Variants in CYP3A4 observed in about 807,000 individuals in gnomAD.
The protein encoded by CYP3A4 is cytochrome P450 3A4.
CYP3A4 carries 41 observed loss-of-function variants against 54.9 expected under a neutral mutation model. The observed-to-expected ratio is 0.75, with a 90% CI of 0.58 to 0.97. The LOEUF (loss-of-function observed/expected upper bound fraction) is 0.97. Ranked by LOEUF, CYP3A4 falls within the 50% of genes least tolerant of loss-of-function variation. The pLI is 0.00. For missense variants in CYP3A4, 510 were observed against 597.3 expected, an observed-to-expected ratio of 0.85 and a Z score of 1.52; for synonymous variants, 179 against 205.2, an observed-to-expected ratio of 0.87 and a Z score of 1.09.
chr7:99,770,125 C>T lies in CYP3A4; in HGVS notation c.429G>A (p.Lys143=), dbSNP rs563261216. The part of the protein sequence containing the change: ...LSPTFTSGKL[K]EMVPIIAQYG... ...AAAACTCATGTTATTTTCATACCTCCTTGAGTTTTCCACTGGTGAAGGTTG... is the reference window on the plus strand; with the variant it reads ...AAAACTCATGTTATTTTCATACCTCTTTGAGTTTTCCACTGGTGAAGGTTG... Residue 143 remains lysine (K), a synonymous_variant, in exon 5 of 13, where the codon AAG becomes AAA. Coordinates refer to ENST00000651514, the MANE Select transcript of CYP3A4 (RefSeq NM_017460.6). The T allele has an allele frequency of 1.2e-6, 2 of 1,610,354 alleles. No individual in the cohort carries two copies. Among genetic ancestry groups the T allele is most frequent in the African/African-American group, 2.7e-5 (2 of 74,928 alleles).
intron 3 of CYP3A4, among the ~76,000 whole-genome samples, chr7:99,773,964 G>A (rs1815696004): frequency 6.6e-6 from 1 of 151,354 alleles, no homozygotes; most frequent in Middle Eastern, 3.4e-3. Flanking sequence ...GACTAATAAA[G>A]AAAAAAGAAG....
intron 1 of CYP3A4, 47 bp downstream of exon 1, chr7:99,783,964 C>A: frequency 2.5e-6 from 4 of 1,587,220 alleles, no homozygotes; most frequent in Non-Finnish European, 3.5e-6. Flanking sequence ...CTGATTAGCA[C>A]CCCAAGTCCA....
intron 12 of CYP3A4, among the ~76,000 whole-genome samples, chr7:99,760,089 C>T (rs1815279848): frequency 1.3e-5 from 2 of 152,106 alleles, no homozygotes; most frequent in Admixed American, 1.3e-4. Context: ...CCTGCTTCGG[C>T]CTCCCAAAGT....
At chr7:99,775,378 A>G (rs1235077470) in intron 3 of CYP3A4, among the ~76,000 whole-genome samples, 3 of 152,228 alleles carry the variant, frequency 2.0e-5, no homozygotes, top group African/African-American at 4.8e-5. Flanking sequence ...GAGCCCACAT[A>G]GACAAGACAA....
Position 99,760,896 on chromosome 7 carries a change from A to C in CYP3A4, c.1339T>G (p.Phe447Val). 1 of 1,614,112 alleles carries C rather than the reference A, an allele frequency of 6.2e-7. No individual in the cohort carries two copies. Among genetic ancestry groups the C allele is most frequent in the Non-Finnish European group, 8.5e-7 (1 of 1,179,970 alleles). Residue 447 changes from phenylalanine (F) to valine (V), a missense_variant, in exon 12 of 13, where the codon TTT (phenylalanine) becomes GTT (valine). Phe to Val is a conservative substitution (Grantham distance 50). This residue lies in a region of CYP3A4 where 238 missense variants were observed against 322.5 expected (regional missense o/e 0.74). Coordinates refer to ENST00000651514, the MANE Select transcript of CYP3A4 (RefSeq NM_017460.6). ...GCAAGTTTCATGTTCATGAGAGCAAACCTCATGCCAATGCAGTTTCTGGGT... is the reference window on the plus strand; with the variant it reads ...GCAAGTTTCATGTTCATGAGAGCAACCCTCATGCCAATGCAGTTTCTGGGT... ...SGPRNCIGMR[F>V]ALMNMKLALI...
chr7:99,764,934 G>A (rs746619543), intron 9 of CYP3A4, among the ~76,000 whole-genome samples: 2 of 152,136 alleles, frequency 1.3e-5, no homozygotes, highest in Non-Finnish European at 2.9e-5. Flanking sequence ...TGTTTGATCA[G>A]GACTGGATTA....
At chr7:99,770,695 A>G (rs1815609950) in intron 4 of CYP3A4, among the ~76,000 whole-genome samples, 1 of 152,182 alleles carries the variant, frequency 6.6e-6, no homozygotes, top group African/African-American at 2.4e-5. Context: ...AAGTGCCTCA[A>G]TGTGATGGTT....
chr7:99,775,069 T>C (rs1481351865), intron 3 of CYP3A4, among the ~76,000 whole-genome samples: 1 of 152,134 alleles, frequency 6.6e-6, no homozygotes, highest in Non-Finnish European at 1.5e-5. Flanking sequence ...AGCCAAATCA[T>C]GAGTGAACTC....
At chr7:99,773,866 T>TA (rs1431629677) in intron 3 of CYP3A4, among the ~76,000 whole-genome samples, 6 of 150,364 alleles carry the variant, frequency 4.0e-5, no homozygotes, top group African/African-American at 1.2e-4. Context: ...CAGAAGGAGA[T>TA]AGAGACACAA....
Position 99,767,263 on chromosome 7 carries a change from A to G in CYP3A4, c.671-5T>C, listed in dbSNP as rs1815499503. 1 of 1,566,234 alleles carries G rather than the reference A, an allele frequency of 6.4e-7. No homozygotes were observed. The highest frequency in any genetic ancestry group is 1.2e-5 in the South Asian group (1 of 82,988). The stretch of plus-strand genomic sequence containing the variant: ...GGATGAGGAATGGAAAGACTGCTGT[A>G]GGAAAAACAAAACAAAAACAGAAAA... On this transcript the variant is annotated splice_polypyrimidine_tract_variant and splice_region_variant and intron_variant, in intron 7 of 12. Coordinates refer to ENST00000651514, the MANE Select transcript of CYP3A4 (RefSeq NM_017460.6).
In CYP3A4 at chr7:99,763,943, A is replaced by C. The variant is rs762572678; in HGVS notation, c.938T>G (p.Val313Gly). The change falls in exon 10 of 13, where the codon GTT becomes GGT. Residue 313 changes from valine (V) to glycine (G), a missense_variant. This residue lies in a region of CYP3A4 where 238 missense variants were observed against 322.5 expected (regional missense o/e 0.74). Coordinates refer to ENST00000651514, the MANE Select transcript of CYP3A4 (RefSeq NM_017460.6). The part of the protein sequence containing the change: ...IFAGYETTSS[V>G]LSFIMYELAT... ...CAGTTCATACATAATGAAGGAGAGA[A>C]CACTGCTCGTGGTTTCATAGCCAGC... The C allele has an allele frequency of 1.1e-5, 17 of 1,614,042 alleles. No homozygotes were observed. The highest frequency in any genetic ancestry group is 1.4e-5 in the Non-Finnish European group (17 of 1,179,966).
At chr7:99,777,476 TTGTGTGTGTGTGTGTGTGTG>T (rs10554527) in intron 3 of CYP3A4, among the ~76,000 whole-genome samples, 4 of 146,608 alleles carry the variant, frequency 2.7e-5, no homozygotes, top group African/African-American at 5.1e-5. Context: ...ATGTCACTAG[TTGTGTGTGTGTGTGTGTGTG>T]TGTGTGTGTG....
chr7:99,771,845 T>C (rs1815642025), intron 4 of CYP3A4, among the ~76,000 whole-genome samples: 1 of 152,202 alleles, frequency 6.6e-6, no homozygotes, highest in African/African-American at 2.4e-5. Context: ...TATACCCATC[T>C]TTCCAAAAAT....
chr7:99,766,530 T>TGAGAA lies in CYP3A4; in HGVS notation c.799-92_799-88dup, dbSNP rs1359129614. 2.0e-6 allele frequency: 3 copies of TGAGAA among 1,529,776 alleles called. No individual in the cohort carries two copies. In the East Asian group the frequency reaches 6.8e-5, roughly 35 times the overall value. 94.8% of individuals were successfully genotyped at this position (1,529,776 alleles called of 1,614,324 possible). A position where few individuals can be genotyped will look rare whatever the true frequency, so the allele number is the denominator to read the frequency against. On this transcript the variant is annotated intron_variant, in intron 8 of 12. Transcript: ENST00000651514. ...CAAGCGTGGTCCTTGATCTCCCTTC[T>TGAGAA]GAGAATATGGCTCCTTGAAGACCAG...
chr7:99,770,202 T>C lies in CYP3A4; in HGVS notation c.352A>G (p.Ile118Val), dbSNP rs55951658. The C allele has an allele frequency of 9.2e-5, 149 of 1,613,786 alleles. No individual in the cohort carries two copies. In the East Asian group the frequency reaches 2.5e-3, roughly 27 times the overall value. ...FGPVGFMKSA[I>V]SIAEDEEWKR... ...CATTCTTCATCCTCAGCTATAGAGA[T>C]GGCACTTTTCATAAATCCCACTGGA... Residue 118 changes from isoleucine to valine, a missense_variant, in exon 5 of 13, where the codon ATC (isoleucine) becomes GTC (valine). By Grantham distance (29) the Ile-to-Val change is conservative. Coordinates refer to ENST00000651514, the MANE Select transcript of CYP3A4 (RefSeq NM_017460.6).
At chr7:99,763,163 C>CA (rs1361928660) in intron 10 of CYP3A4, among the ~76,000 whole-genome samples, 2 of 152,152 alleles carry the variant, frequency 1.3e-5, no homozygotes, top group Admixed American at 6.5e-5. Flanking sequence ...CAGGCTCCGT[C>CA]AGACTACAGC....
At chr7:99,767,592 G>C (rs1235676627) in intron 7 of CYP3A4, among the ~76,000 whole-genome samples, 1 of 152,088 alleles carries the variant, frequency 6.6e-6, no homozygotes, top group Admixed American at 6.6e-5. Context: ...ATAATCTGAA[G>C]CTCAAAATTA....
At position 99,778,045 on chromosome 7, in the gene CYP3A4, C is replaced by G; in HGVS notation, c.201G>C (p.Lys67Asn). ...FCMFDMECHKKYGKVWGFYDG... is the reference protein window; with the variant it reads ...FCMFDMECHKNYGKVWGFYDG... ...ATACTCACCCCCACACTTTTCCATA[C>G]TTTTTATGACATTCCATGTCAAACA... Residue 67 changes from lysine to asparagine, a missense_variant, in exon 3 of 13, where the codon AAG becomes AAC. Lys to Asn is a moderately conservative substitution (Grantham distance 94). Transcript: ENST00000651514. The G allele has an allele frequency of 6.2e-7, 1 of 1,612,984 alleles. No homozygotes were observed. Among genetic ancestry groups the G allele is most frequent in the African/African-American group, 1.3e-5 (1 of 74,992 alleles).
chr7:99,761,430 C>G (rs930069470), intron 11 of CYP3A4, among the ~76,000 whole-genome samples: 3 of 152,100 alleles, frequency 2.0e-5, no homozygotes, highest in African/African-American at 7.2e-5. Flanking sequence ...CATCTCCTCT[C>G]TTGTTTTTCT....
Sources: gnomAD v4.1 joint callset for allele counts (sites outside exome capture counted in the v4.1 genomes callset) on GRCh38, gnomAD v4.1.1 for gene constraint, gnomAD v4.1.1 regional missense constraint, MANE v1.5 for transcripts, NCBI Gene and HGNC (gene_info 2026-07-23, HGNC 2026-07-21) for gene names.